ZC3H12B: variants seen among roughly 807,000 people sequenced by gnomAD.
The protein encoded by ZC3H12B is probable ribonuclease ZC3H12B.
In ZC3H12B, 7 loss-of-function variants were observed where a neutral mutation model predicts 43.9. That is an observed-to-expected ratio of 0.16 (90% confidence interval 0.09 to 0.30). The LOEUF (loss-of-function observed/expected upper bound fraction) is 0.30. Among genes scored for constraint, ZC3H12B ranks in the 10% least tolerant of loss-of-function variants. ZC3H12B has a pLI of 1.00. For missense variants in ZC3H12B, 475 were observed against 670.2 expected, an observed-to-expected ratio of 0.71 and a Z score of 3.22; for synonymous variants, 222 against 241.7, an observed-to-expected ratio of 0.92 and a Z score of 0.76.
chrX:65,317,270 A>C, the ZC3H12B span, among the ~76,000 whole-genome samples: 1 of 110,581 alleles, frequency 9.0e-6, no homozygotes, highest in African/African-American at 3.3e-5. Flanking sequence ...AAAAAAAACA[A>C]ATCATAGCAA....
At chrX:65,230,048 G>C in the ZC3H12B span, among the ~76,000 whole-genome samples, 1 of 111,200 alleles carries the variant, frequency 9.0e-6, no homozygotes, top group Non-Finnish European at 1.9e-5. Context: ...TATACCCAAA[G>C]GACTATAAAT....
chrX:65,427,735 C>G (rs989348410), intron 3 of ZC3H12B, among the ~76,000 whole-genome samples: 2 of 111,780 alleles, frequency 1.8e-5, no homozygotes, highest in African/African-American at 6.5e-5. Context: ...CATTCTGTGT[C>G]TTTTAATTGG....
At chrX:65,166,793 C>T in the ZC3H12B span, among the ~76,000 whole-genome samples, 1 of 111,706 alleles carries the variant, frequency 9.0e-6, no homozygotes, top group East Asian at 2.8e-4. Flanking sequence ...CTCTGATGGC[C>T]AGTGGTGAGG....
chrX:65,500,399 C>T (rs2068348159), intron 4 of ZC3H12B, among the ~76,000 whole-genome samples: 1 of 112,249 alleles, frequency 8.9e-6, no homozygotes, highest in Admixed American at 9.4e-5. Context: ...CTAACCTTTC[C>T]TTTAGATCTG....
At chrX:65,184,878 A>C in the ZC3H12B span, 1 of 111,771 alleles carries the variant, frequency 8.9e-6, no homozygotes, top group East Asian at 2.8e-4. Context: ...TTTTTAATTG[A>C]CACCTAATAA....
At chrX:65,224,733 G>A in the ZC3H12B span, among the ~76,000 whole-genome samples, 262 of 112,202 alleles carry the variant, frequency 2.3e-3, 1 homozygote, top group African/African-American at 8.0e-3. Flanking sequence ...TCCCGCACAT[G>A]ACTCAGAGGG....
At chrX:65,407,848 G>A (rs1432695564) in intron 3 of ZC3H12B, among the ~76,000 whole-genome samples, 1 of 113,383 alleles carries the variant, frequency 8.8e-6, no homozygotes, top group Non-Finnish European at 1.9e-5. Flanking sequence ...CTGGGCCTGG[G>A]GCGCCCACTA....
intron 3 of ZC3H12B, among the ~76,000 whole-genome samples, chrX:65,459,107 A>G (rs1388034286): frequency 7.1e-5 from 8 of 112,377 alleles, no homozygotes; most frequent in Non-Finnish European, 1.5e-4. Flanking sequence ...CAGAAAATCT[A>G]GAAGAAATGG....
At chrX:65,278,121 C>T in the ZC3H12B span, among the ~76,000 whole-genome samples, 2 of 111,586 alleles carry the variant, frequency 1.8e-5, no homozygotes, top group African/African-American at 6.5e-5. Flanking sequence ...CATGAAAATA[C>T]AAAAGAGTAT....
At chrX:65,483,044 A>G (rs1248272186) in intron 3 of ZC3H12B, among the ~76,000 whole-genome samples, 1 of 112,190 alleles carries the variant, frequency 8.9e-6, no homozygotes, top group Non-Finnish European at 1.9e-5. Context: ...TAAATTTTGA[A>G]TAAGCTCAGT....
At chrX:65,347,212 C>T in the ZC3H12B span, among the ~76,000 whole-genome samples, 1 of 111,269 alleles carries the variant, frequency 9.0e-6, no homozygotes, top group South Asian at 3.8e-4. Context: ...GACAGAGGGG[C>T]CTGACTTTTA....
the ZC3H12B span, among the ~76,000 whole-genome samples, chrX:65,236,436 T>C: frequency 6.2e-5 from 7 of 112,211 alleles, no homozygotes; most frequent in East Asian, 2.0e-3. Context: ...CCTTTTAGAA[T>C]CTAGATATTA....
chrX:65,395,544 T>G (rs1011693601), intron 2 of ZC3H12B, among the ~76,000 whole-genome samples: 2 of 112,162 alleles, frequency 1.8e-5, no homozygotes, highest in African/African-American at 6.5e-5. Context: ...GCCTTGCATC[T>G]CAGGGATGAA....
rs140962532 is a variant in ZC3H12B, at chrX:65,444,638, G to A, written n.408-44008G>A. Among the ~76,000 whole-genome samples the A allele has an allele frequency of 2.2e-4, 25 of 111,766 alleles. No individual in the cohort carries two copies. The East Asian group carries it at 5.9e-3, about 26-fold the overall frequency. ...TGGACTAATACAGTAAATTGGTACCGGTAGAGTGGGGTGTTACTGAAAAGA... is the reference window on the plus strand; with the variant it reads ...TGGACTAATACAGTAAATTGGTACCAGTAGAGTGGGGTGTTACTGAAAAGA... On this transcript the variant is annotated intron_variant and non_coding_transcript_variant, in intron 3 of 5. Coordinates refer to the ZC3H12B transcript ENST00000617377.
chrX:65,120,145 C>T, the ZC3H12B span, among the ~76,000 whole-genome samples: 7 of 111,706 alleles, frequency 6.3e-5, no homozygotes, highest in African/African-American at 1.6e-4. Context: ...TTTTTGATTC[C>T]ATGTGAACTT....
chrX:65,228,360 A>G, the ZC3H12B span, among the ~76,000 whole-genome samples: 1 of 111,879 alleles, frequency 8.9e-6, no homozygotes, highest in South Asian at 3.7e-4. Context: ...CTCTCAATAA[A>G]TTAGGTATTG....
At chrX:65,058,781 G>A in the ZC3H12B span, among the ~76,000 whole-genome samples, 35 of 112,039 alleles carry the variant, frequency 3.1e-4, no homozygotes, top group South Asian at 4.5e-3. Flanking sequence ...AGTGGCGGCC[G>A]CTCTTCCCCC....
At chrX:65,295,268 A>G in the ZC3H12B span, among the ~76,000 whole-genome samples, 1 of 111,827 alleles carries the variant, frequency 8.9e-6, no homozygotes, top group Non-Finnish European at 1.9e-5. Context: ...AAAACCATGC[A>G]AATACATGGA....
chrX:65,450,694 C>T (rs367904185), intron 3 of ZC3H12B, among the ~76,000 whole-genome samples: 8 of 2,543 alleles, frequency 3.1e-3, no homozygotes, highest in Non-Finnish European at 4.1e-3. Flanking sequence ...TATATGTATA[C>T]ATATGTGTAT....
Sources: gnomAD v4.1 joint callset for allele counts (sites outside exome capture counted in the v4.1 genomes callset) on GRCh38, gnomAD v4.1.1 for gene constraint, MANE v1.5 for transcripts, NCBI Gene and HGNC (gene_info 2026-07-23, HGNC 2026-07-21) for gene names.